Variants in EPM2A observed in about 807,000 individuals in gnomAD.
The protein encoded by EPM2A is laforin.
In EPM2A, 21 loss-of-function variants were observed where a neutral mutation model predicts 26.5. The ratio of observed to expected loss-of-function variants is 0.79; its 90% CI spans 0.56 to 1.14. The LOEUF (loss-of-function observed/expected upper bound fraction) is 1.14, where lower values mean the gene tolerates loss of function less well. EPM2A is among the 50% of genes most tolerant of loss of function. EPM2A has a pLI of 0.00. For missense variants in EPM2A, 458 were observed against 440.8 expected, an observed-to-expected ratio of 1.04 and a Z score of -0.35; for synonymous variants, 217 against 177.6, an observed-to-expected ratio of 1.22 and a Z score of -1.76.
chr6:145,725,409 A>T (rs778720625), intron 1 of EPM2A, among the ~76,000 whole-genome samples: 2 of 152,100 alleles, frequency 1.3e-5, no homozygotes, highest in Non-Finnish European at 2.9e-5. Flanking sequence ...TAGTCTTATC[A>T]CATGATTCAG....
intron 2 of EPM2A, among the ~76,000 whole-genome samples, chr6:145,610,728 T>C (rs1775374704): frequency 6.6e-6 from 1 of 152,340 alleles, no homozygotes; most frequent in East Asian, 1.9e-4. Context: ...GTCTAATTTG[T>C]AAATATTGAT....
chr6:145,453,288 C>T (rs1415954690), intron 4 of EPM2A, among the ~76,000 whole-genome samples: 1 of 151,996 alleles, frequency 6.6e-6, no homozygotes, highest in Non-Finnish European at 1.5e-5. Flanking sequence ...AGATTAATCC[C>T]TGAAGTTGGT....
intron 4 of EPM2A, among the ~76,000 whole-genome samples, chr6:145,405,817 T>C (rs1778560003): frequency 6.6e-6 from 1 of 152,124 alleles, no homozygotes; most frequent in Non-Finnish European, 1.5e-5. Context: ...ATCACCATTG[T>C]TGGTAAATAT....
intron 4 of EPM2A, among the ~76,000 whole-genome samples, chr6:145,387,532 G>A (rs528489146): frequency 6.6e-5 from 10 of 152,074 alleles, no homozygotes; most frequent in African/African-American, 2.2e-4. Flanking sequence ...GTTTTGTCAG[G>A]CACCAGAGGG....
chr6:145,569,891 C>A (rs1780932676), intron 2 of EPM2A, among the ~76,000 whole-genome samples: 1 of 151,998 alleles, frequency 6.6e-6, no homozygotes, highest in Non-Finnish European at 1.5e-5. Context: ...TAAATATCAA[C>A]TCACATGATC....
intron 1 of EPM2A, among the ~76,000 whole-genome samples, chr6:145,713,373 A>C (rs991264653): frequency 6.6e-6 from 1 of 152,212 alleles, no homozygotes; most frequent in African/African-American, 2.4e-5. Flanking sequence ...GCCCACTGAA[A>C]ATGGGCAGAG....
chr6:145,385,921 C>A (rs1015834778), intron 4 of EPM2A, among the ~76,000 whole-genome samples: 1 of 152,008 alleles, frequency 6.6e-6, no homozygotes, highest in Admixed American at 6.6e-5. Context: ...AGCCTGAAAT[C>A]AAGAATTTAA....
intron 4 of EPM2A, among the ~76,000 whole-genome samples, chr6:145,410,169 A>T (rs745811302): frequency 2.0e-5 from 3 of 152,186 alleles, no homozygotes; most frequent in Non-Finnish European, 4.4e-5. Flanking sequence ...GTGTTGCAAG[A>T]GCTAAATCAA....
rs77163181 is a variant in EPM2A at position 145,387,669 on chromosome 6, C to T, written c.556-3572G>A. On this transcript the variant is annotated intron_variant, in intron 4 of 4. Coordinates refer to the EPM2A transcript ENST00000638717. Reference sequence around the variant, plus strand: ...GAGGAAGACCTAAGAAAGACATTTGCTTTCATAGTAACAGCAGGGAAAAAA... The same window carrying T: ...GAGGAAGACCTAAGAAAGACATTTGTTTTCATAGTAACAGCAGGGAAAAAA... 1.8e-3 allele frequency among the ~76,000 whole-genome samples: 279 copies of T among 152,060 alleles called. 2 individuals carry two copies. Among genetic ancestry groups the T allele is most frequent in the African/African-American group, 6.4e-3 (267 of 41,472 alleles).
At chr6:145,499,165 C>G (rs186787545), downstream of EPM2A, among the ~76,000 whole-genome samples, 16 of 152,266 alleles carry the variant, frequency 1.1e-4, no homozygotes, top group East Asian at 2.3e-3. Flanking sequence ...GTATAATGCT[C>G]TCACTCAAGA....
intron 2 of EPM2A, among the ~76,000 whole-genome samples, chr6:145,573,295 C>T (rs1008315438): frequency 2.6e-5 from 4 of 152,190 alleles, no homozygotes; most frequent in African/African-American, 4.8e-5. Context: ...ACTGGCCTTA[C>T]CAGCTGAAGG....
rs1462163345 is a variant in EPM2A at position 145,664,241 on chromosome 6, C to A, written c.476+21881G>T. On this transcript the variant is annotated intron_variant, in intron 2 of 3. Coordinates refer to ENST00000367519, the MANE Select transcript of EPM2A (RefSeq NM_005670.4). The stretch of plus-strand genomic sequence containing the variant: ...TGGCAAGTTGGATAGAGTCAAGACC[C>A]ATCAGTGTGCTGTATTCAGGAAACC... Among the ~76,000 whole-genome samples the A allele has an allele frequency of 5.8e-5, 5 of 86,250 alleles. 1 individual carries two copies. The highest frequency in any genetic ancestry group is 2.6e-4 in the African/African-American group (5 of 19,602). The allele number at this position is 86,250 out of a possible 152,430, so 56.6% of individuals were successfully genotyped here. A position where few individuals can be genotyped will look rare whatever the true frequency, so the allele number is the denominator to read the frequency against.
At chr6:145,449,659 A>G (rs1360375436) in intron 4 of EPM2A, among the ~76,000 whole-genome samples, 2 of 152,332 alleles carry the variant, frequency 1.3e-5, no homozygotes, top group South Asian at 2.1e-4. Flanking sequence ...TCAGTTTGGT[A>G]CAGAATTTCC....
At chr6:145,437,164 T>C (rs549552298) in intron 4 of EPM2A, among the ~76,000 whole-genome samples, 26 of 152,240 alleles carry the variant, frequency 1.7e-4, no homozygotes, top group African/African-American at 5.5e-4. Flanking sequence ...ATTCTCATGA[T>C]AGTGAGTGAG....
At chr6:145,716,421 A>G (rs1488173132) in intron 1 of EPM2A, among the ~76,000 whole-genome samples, 1 of 152,188 alleles carries the variant, frequency 6.6e-6, no homozygotes, top group South Asian at 2.1e-4. Flanking sequence ...ACAGGGCATC[A>G]CTGGTGTGGC....
intron 2 of EPM2A, among the ~76,000 whole-genome samples, chr6:145,669,699 G>A (rs1374933365): frequency 6.6e-6 from 1 of 152,068 alleles, no homozygotes; most frequent in Non-Finnish European, 1.5e-5. Flanking sequence ...AGAAAACCCT[G>A]GAAAAAGGCT....
chr6:145,400,199 G>T (rs1351663322), intron 4 of EPM2A, among the ~76,000 whole-genome samples: 2 of 152,136 alleles, frequency 1.3e-5, no homozygotes, highest in African/African-American at 2.4e-5. Context: ...GAGATGAAAT[G>T]AAAGTTTGGG....
chr6:145,427,391 G>A (rs910309892), intron 4 of EPM2A, among the ~76,000 whole-genome samples: 8 of 152,100 alleles, frequency 5.3e-5, no homozygotes, highest in African/African-American at 1.9e-4. Context: ...AGAGACACAG[G>A]TGAAAGGGTG....
chr6:145,593,705 A>G (rs1298634844), intron 2 of EPM2A, among the ~76,000 whole-genome samples: 1 of 152,044 alleles, frequency 6.6e-6, no homozygotes, highest in Non-Finnish European at 1.5e-5. Context: ...AAAATTCTCC[A>G]GAGAAATTAA....
Sources: gnomAD v4.1 joint callset for allele counts (sites outside exome capture counted in the v4.1 genomes callset) on GRCh38, gnomAD v4.1.1 for gene constraint, MANE v1.5 for transcripts, NCBI Gene and HGNC (gene_info 2026-07-23, HGNC 2026-07-21) for gene names.